CSPP1: variants seen among roughly 807,000 people sequenced by gnomAD.
CSPP1 encodes the protein centrosome and spindle pole-associated protein 1.
Under a neutral mutation model 164.4 loss-of-function variants are expected in CSPP1, and 126 were observed. The ratio of observed to expected loss-of-function variants is 0.77; its 90% CI spans 0.66 to 0.89. CSPP1 has a LOEUF of 0.89. Among genes scored for constraint, CSPP1 ranks in the 40% least tolerant of loss-of-function variants. The probability of loss-of-function intolerance (pLI) is 0.00; values close to 1 mark genes in which losing one functional copy is unlikely to be tolerated. For synonymous variants in CSPP1, 472 were observed against 476.7 expected, an observed-to-expected ratio of 0.99 and a Z score of 0.13; for missense variants, 1,395 against 1,449.8, an observed-to-expected ratio of 0.96 and a Z score of 0.61.
chr8:67,097,325 G>T (rs1030084640), intron 7 of CSPP1, among the ~76,000 whole-genome samples: 3 of 152,096 alleles, frequency 2.0e-5, no homozygotes, highest in African/African-American at 7.2e-5. Flanking sequence ...TCTACATTCT[G>T]TAGCTGTTAT....
chr8:67,185,117 A>C (rs560049447), intron 28 of CSPP1, among the ~76,000 whole-genome samples: 64 of 149,600 alleles, frequency 4.3e-4, no homozygotes, highest in Non-Finnish European at 7.7e-4. Flanking sequence ...AAAAAAAAAA[A>C]CAAAAACAAA....
At chr8:67,119,183 C>T (rs529197990) in intron 15 of CSPP1, among the ~76,000 whole-genome samples, 2 of 152,088 alleles carry the variant, frequency 1.3e-5, no homozygotes, top group African/African-American at 2.4e-5. Flanking sequence ...AAGGTTCATC[C>T]GTCTTTTAGC....
At chr8:67,183,488 A>C (rs765590472) in intron 28 of CSPP1, among the ~76,000 whole-genome samples, 17 of 152,244 alleles carry the variant, frequency 1.1e-4, no homozygotes, top group Non-Finnish European at 2.2e-4. Flanking sequence ...AATCAATAAC[A>C]GAAAGATAGC....
chr8:67,159,950 CTTCCTTCTTTCTT>C lies in CSPP1; in HGVS notation c.2538+817_2538+829del, dbSNP rs1236417932. Among the ~76,000 whole-genome samples, 96 of 27,470 alleles carry C rather than the reference CTTCCTTCTTTCTT, an allele frequency of 3.5e-3. 2 individuals carry two copies. The highest frequency in any genetic ancestry group is 8.7e-3 in the South Asian group (6 of 688). 18.0% of individuals were successfully genotyped at this position (27,470 alleles called of 152,430 possible). A position where few individuals can be genotyped will look rare whatever the true frequency, so the allele number is the denominator to read the frequency against. ...CTTTCCTTCCTTCCTTCCTTCCTTC[CTTCCTTCTTTCTT>C]TTCTTTTCTTTTCTTTTCTTTTCTT... is the stretch of plus-strand genomic sequence containing the variant. On this transcript the variant is annotated intron_variant, in intron 21 of 30. Transcript: ENST00000678616.
At chr8:67,086,888 C>CTTTTTT in intron 4 of CSPP1, 1 of 928,302 alleles carries the variant, frequency 1.1e-6, no homozygotes, top group Non-Finnish European at 1.5e-6. Context: ...TTTTTTCTTT[C>CTTTTTT]TTTTTTTTTT....
rs1827120184 is a variant in CSPP1 at position 67,158,592 on chromosome 8, A to G, written c.2387A>G (p.Glu796Gly). Residue 796 changes from glutamate to glycine, a missense_variant, in exon 20 of 31, where the codon GAG (glutamate) becomes GGG (glycine). Physicochemically the swap from Glu to Gly is moderately conservative, Grantham distance 98 (BLOSUM62 -2). Coordinates refer to ENST00000678616, the MANE Select transcript of CSPP1 (RefSeq NM_001382391.1). Reference protein sequence around the residue: ...EEQEKKREKEEEQRLKNEEHI... With the variant: ...EEQEKKREKEGEQRLKNEEHI... ...CAGGAAAAGAAAAGAGAGAAAGAGG[A>G]GGAGGTACATCTTTTTTCCCTATTG... is the stretch of plus-strand genomic sequence containing the variant. The G allele has an allele frequency of 6.3e-7, 1 of 1,586,146 alleles. No homozygotes were observed. Among genetic ancestry groups the G allele is most frequent in the Admixed American group, 1.8e-5 (1 of 55,350 alleles).
At chr8:67,181,633 G>C (rs1191779138) in intron 28 of CSPP1, among the ~76,000 whole-genome samples, 1 of 152,034 alleles carries the variant, frequency 6.6e-6, no homozygotes, top group Non-Finnish European at 1.5e-5. Context: ...AAAGCTGATG[G>C]TTTCAGTGCA....
At chr8:67,137,708 C>T (rs761111542) in intron 17 of CSPP1, 105 bp downstream of exon 17, 3 of 558,816 alleles carry the variant, frequency 5.4e-6, no homozygotes, top group Non-Finnish European at 8.8e-6. Flanking sequence ...TCTATAGCAA[C>T]GCATGTATGT....
intron 17 of CSPP1, among the ~76,000 whole-genome samples, chr8:67,140,992 A>G (rs1020412618): frequency 1.3e-5 from 2 of 152,210 alleles, no homozygotes; most frequent in African/African-American, 4.8e-5. Context: ...GCTCAGAAGA[A>G]GGACATGGGA....
intron 2 of CSPP1, among the ~76,000 whole-genome samples, chr8:67,076,205 T>C (rs1254968188): frequency 6.6e-6 from 1 of 152,198 alleles, no homozygotes; most frequent in Non-Finnish European, 1.5e-5. Flanking sequence ...CAGAAATTCT[T>C]CTATTTTTTA....
chr8:67,085,897 C>T, intron 3 of CSPP1, 110 bp from the exon 4 acceptor site: 3 of 642,312 alleles, frequency 4.7e-6, no homozygotes, highest in Non-Finnish European at 5.7e-6. Context: ...CCTAATCCTA[C>T]TCTTGGAATA....
chr8:67,137,768 A>G (rs990936959), intron 17 of CSPP1, among the ~76,000 whole-genome samples, 165 bp downstream of exon 17: 1 of 152,234 alleles, frequency 6.6e-6, no homozygotes, highest in Non-Finnish European at 1.5e-5. Flanking sequence ...AACAGAGGCT[A>G]GAAAGCATTT....
chr8:67,179,709 A>G (rs1186122648), intron 27 of CSPP1, among the ~76,000 whole-genome samples, 154 bp from the exon 28 acceptor site: 4 of 152,024 alleles, frequency 2.6e-5, no homozygotes, highest in Non-Finnish European at 4.4e-5. Flanking sequence ...GCTTTCCAGT[A>G]TTTTCTGAGC....
intron 3 of CSPP1, among the ~76,000 whole-genome samples, chr8:67,077,358 C>T (rs1399769574): frequency 6.6e-6 from 1 of 150,834 alleles, no homozygotes; most frequent in Non-Finnish European, 1.5e-5. Flanking sequence ...TTCTTCAAGG[C>T]TGAGTCTGAC....
chr8:67,164,660 GA>G (rs1828975506), intron 24 of CSPP1, 152 bp downstream of exon 24: 2 of 519,950 alleles, frequency 3.8e-6, no homozygotes, highest in African/African-American at 1.9e-5. Flanking sequence ...ATCAGCTGTA[GA>G]AATTTAGTTC....
chr8:67,093,836 TA>T (rs1812125586), intron 6 of CSPP1, among the ~76,000 whole-genome samples, 195 bp downstream of exon 6: 1 of 152,234 alleles, frequency 6.6e-6, no homozygotes. Flanking sequence ...GAAGAACTTT[TA>T]ACATTTAATT....
At position 67,156,241 on chromosome 8, in the gene CSPP1, C is replaced by T. The variant is rs375841446; in HGVS notation, c.2241+2105C>T. Among the ~76,000 whole-genome samples, 50 of 151,968 alleles carry T rather than the reference C, an allele frequency of 3.3e-4. No individual in the cohort carries two copies. The East Asian group carries it at 9.4e-3, about 29-fold the overall frequency. On this transcript the variant is annotated intron_variant, in intron 19 of 30. Coordinates refer to ENST00000678616, the MANE Select transcript of CSPP1 (RefSeq NM_001382391.1). ...TCTGTTTAATAACATACAACTAATA[C>T]ACAGACTAACAGGCTTGCCCAGGGT...
intron 26 of CSPP1, chr8:67,175,642 C>A: frequency 1.5e-6 from 1 of 683,412 alleles, no homozygotes; most frequent in Non-Finnish European, 2.7e-6. Flanking sequence ...TGTATTCATG[C>A]ATGAGAGGGG....
chr8:67,159,268 T>G, intron 21 of CSPP1, 131 bp downstream of exon 21: 1 of 853,638 alleles, frequency 1.2e-6, no homozygotes, highest in Non-Finnish European at 1.8e-6. Flanking sequence ...TACTGTTTAG[T>G]CTGGGCACAA....
Sources: allele counts gnomAD v4.1 joint callset (sites outside exome capture counted in the v4.1 genomes callset), GRCh38; gene constraint gnomAD v4.1.1; transcripts MANE v1.5; gene names NCBI Gene and HGNC (gene_info 2026-07-23, HGNC 2026-07-21).